The following THRAP3 variants were observed in gnomAD, a reference collection of about 807,000 sequenced individuals.
The protein encoded by THRAP3 is thyroid hormone receptor associated protein 3, also known as thyroid hormone receptor-associated protein 3.
A neutral mutation model predicts 101.0 loss-of-function variants in THRAP3; 16 were observed. The ratio of observed to expected loss-of-function variants is 0.16; its 90% CI spans 0.11 to 0.24. The LOEUF is 0.24. Ranked by LOEUF, THRAP3 falls within the 10% of genes least tolerant of loss-of-function variation. The probability of loss-of-function intolerance (pLI) is 1.00; values close to 1 mark genes in which losing one functional copy is unlikely to be tolerated. For synonymous variants in THRAP3, 407 were observed against 422.6 expected (o/e 0.96, Z 0.45); for missense variants, 989 against 1,202.7 (o/e 0.82, Z 2.63).
rs774003081 is a variant in THRAP3 at position 36,292,264 on chromosome 1, C to CTTTTTTTTTTT, written c.1919-319_1919-309dup. Among the ~76,000 whole-genome samples, 11 of 20,568 alleles carry CTTTTTTTTTTT rather than the reference C, an allele frequency of 5.3e-4. 1 individual carries two copies. Among genetic ancestry groups the CTTTTTTTTTTT allele is most frequent in the African/African-American group, 1.4e-3 (10 of 7,070 alleles). 13.5% of individuals were successfully genotyped at this position (20,568 alleles called of 152,430 possible). On this transcript the variant is annotated intron_variant, in intron 6 of 11. Coordinates refer to ENST00000354618, the MANE Select transcript of THRAP3 (RefSeq NM_005119.4). ...GGTAACATAATGTGTTTCTTTGTTTCTTTTTTTTTTTTTTTTTTTTTTTTT... is the reference window on the plus strand; with the variant it reads ...GGTAACATAATGTGTTTCTTTGTTTCTTTTTTTTTTTTTTTTTTTTTTTTTTTTTTTTTTTT...
intron 2 of THRAP3, among the ~76,000 whole-genome samples, chr1:36,281,436 C>T (rs1174018353): frequency 1.3e-5 from 2 of 152,208 alleles, no homozygotes; most frequent in African/African-American, 4.8e-5. Flanking sequence ...CATTCTTGGT[C>T]ATCTCTTACA....
chr1:36,265,205 A>C (rs1191032701), intron 2 of THRAP3, among the ~76,000 whole-genome samples: 1 of 152,200 alleles, frequency 6.6e-6, no homozygotes, highest in Non-Finnish European at 1.5e-5. Context: ...AGTATGGTAC[A>C]TTTGTCCCAA....
At chr1:36,231,878 T>C (rs868235533) in intron 1 of THRAP3, among the ~76,000 whole-genome samples, 45 of 152,266 alleles carry the variant, frequency 3.0e-4, no homozygotes, top group South Asian at 4.1e-4. Flanking sequence ...TGAAAGTGAT[T>C]GAGGAATTGG....
chr1:36,210,474 AGGTC>A, the THRAP3 span, among the ~76,000 whole-genome samples: 1 of 149,288 alleles, frequency 6.7e-6, no homozygotes, highest in Non-Finnish European at 1.5e-5. Flanking sequence ...AGATTGCCTG[AGGTC>A]AGAAGTTCGA....
intron 1 of THRAP3, among the ~76,000 whole-genome samples, chr1:36,249,193 CTTTT>C (rs35410710): frequency 6.0e-5 from 7 of 117,510 alleles, no homozygotes; most frequent in Admixed American, 2.8e-4. Context: ...AGCACAGTCC[CTTTT>C]TTTTTTTTTT....
chr1:36,274,960 G>T (rs1380725007), intron 2 of THRAP3, among the ~76,000 whole-genome samples: 1 of 149,972 alleles, frequency 6.7e-6, no homozygotes, highest in African/African-American at 2.4e-5. Flanking sequence ...AGGGTGCCAG[G>T]ACAATTCAGT....
chr1:36,225,100 G>A (rs529332092), intron 1 of THRAP3: 1 of 152,360 alleles, frequency 6.6e-6, no homozygotes, highest in Admixed American at 6.5e-5. Flanking sequence ...CTGCTTATAT[G>A]AGGTGAATTA....
At chr1:36,231,652 G>A (rs1215502413) in intron 1 of THRAP3, among the ~76,000 whole-genome samples, 3 of 152,036 alleles carry the variant, frequency 2.0e-5, no homozygotes, top group Non-Finnish European at 2.9e-5. Flanking sequence ...CTCGATTTTA[G>A]TAAAAAGGAT....
intron 1 of THRAP3, among the ~76,000 whole-genome samples, chr1:36,243,967 G>A (rs1163716607): frequency 1.4e-5 from 2 of 140,186 alleles, no homozygotes; most frequent in African/African-American, 5.4e-5. Flanking sequence ...CTGGCGGGCG[G>A]GGGGCTGAAC....
At chr1:36,220,972 A>AAAAAAAAAT (rs1285765741), upstream of THRAP3, among the ~76,000 whole-genome samples, 10 of 94,122 alleles carry the variant, frequency 1.1e-4, no homozygotes, top group African/African-American at 4.7e-4. Flanking sequence ...AAAAAAAAAA[A>AAAAAAAAAT]ATATATATAT....
chr1:36,288,934 T>C, intron 4 of THRAP3, 126 bp from the exon 5 acceptor site: 1 of 1,335,078 alleles, frequency 7.5e-7, no homozygotes, highest in Non-Finnish European at 9.6e-7. Flanking sequence ...GAAAGTCCTT[T>C]GGTAATACAG....
chr1:36,210,746 A>ATCATATATATATATCATATATAT, the THRAP3 span, among the ~76,000 whole-genome samples: 4 of 98,868 alleles, frequency 4.0e-5, no homozygotes, highest in East Asian at 2.7e-4. Flanking sequence ...TCATATATAT[A>ATCATATATATATATCATATATAT]AAGTGTCAGC....
chr1:36,252,968 A>ATATG (rs1553194066), intron 1 of THRAP3, among the ~76,000 whole-genome samples: 7 of 133,976 alleles, frequency 5.2e-5, no homozygotes, highest in Admixed American at 1.5e-4. Flanking sequence ...ATATATATAT[A>ATATG]TAAATGTAAA....
At position 36,292,615 on chromosome 1, in the gene THRAP3, T is replaced by G. The variant is rs1262694161; in HGVS notation, c.1936T>G (p.Ser646Ala). 1.9e-6 allele frequency: 3 copies of G among 1,613,390 alleles called. No individual in the cohort carries two copies. In the South Asian group the frequency reaches 3.3e-5, roughly 18 times the overall value. Residue 646 changes from serine to alanine, a missense_variant, in exon 7 of 12, where the codon TCA becomes GCA. Physicochemically the swap from Ser to Ala is moderately conservative, Grantham distance 99 (BLOSUM62 1). Transcript: ENST00000354618. ...CCCAACAGAGCATCACTTTGGGTCC[T>G]CAGGAATGACATTACATGAACGCTT... ...HHVKEHHFGS[S>A]GMTLHERFTK...
intron 2 of THRAP3, among the ~76,000 whole-genome samples, chr1:36,277,262 C>A (rs1645673011): frequency 6.6e-6 from 1 of 151,924 alleles, no homozygotes; most frequent in Admixed American, 6.6e-5. Flanking sequence ...AGCCACTGCA[C>A]CCAGCCTCAC....
intron 2 of THRAP3, among the ~76,000 whole-genome samples, chr1:36,270,578 T>A (rs1054129799): frequency 2.2e-4 from 1 of 4,642 alleles, no homozygotes; most frequent in Non-Finnish European, 1.1e-3. Context: ...TAGGTTTTTG[T>A]TTTTTTTTTT....
In THRAP3 at chr1:36,293,952, A is replaced by T; in HGVS notation, c.2115+17A>T. On this transcript the variant is annotated intron_variant, in intron 8 of 11. Transcript: ENST00000354618. ...GGCTACAAGGTGAACTGTTGATTTG[A>T]TCAGTAATTCCAACAAAATGAGTGC... 2 of 1,610,156 alleles carry T rather than the reference A, an allele frequency of 1.2e-6. No individual in the cohort carries two copies. Among genetic ancestry groups the T allele is most frequent in the Non-Finnish European group, 1.7e-6 (2 of 1,176,954 alleles).
At chr1:36,242,499 C>T (rs1300489131) in intron 1 of THRAP3, among the ~76,000 whole-genome samples, 1 of 140,028 alleles carries the variant, frequency 7.1e-6, no homozygotes, top group African/African-American at 2.7e-5. Flanking sequence ...GTCGCCCAGG[C>T]TGGAGTGCAG....
At position 36,292,645 on chromosome 1, in the gene THRAP3, A is replaced by C. The variant is rs760474541; in HGVS notation, c.1966A>C (p.Lys656Gln). 2 of 1,613,798 alleles carry C rather than the reference A, an allele frequency of 1.2e-6. No individual in the cohort carries two copies. Among genetic ancestry groups the C allele is most frequent in the Admixed American group, 3.3e-5 (2 of 59,976 alleles). ...SGMTLHERFT[K>Q]YLKRGTEQEA... Reference sequence around the variant, plus strand: ...AATGACATTACATGAACGCTTTACTAAATACCTAAAGAGAGGAACTGAGCA... The same window carrying C: ...AATGACATTACATGAACGCTTTACTCAATACCTAAAGAGAGGAACTGAGCA... Residue 656 changes from lysine to glutamine, a missense_variant, in exon 7 of 12, where the codon AAA becomes CAA. Lys to Gln is a moderately conservative substitution (Grantham distance 53, BLOSUM62 1). Coordinates refer to ENST00000354618, the MANE Select transcript of THRAP3 (RefSeq NM_005119.4).
Sources: gnomAD v4.1 joint callset for allele counts (sites outside exome capture counted in the v4.1 genomes callset) on GRCh38, gnomAD v4.1.1 for gene constraint, MANE v1.5 for transcripts, NCBI Gene and HGNC (gene_info 2026-07-23, HGNC 2026-07-21) for gene names.